BPIFB3: variants seen among roughly 807,000 people sequenced by gnomAD.
BPIFB3 encodes the protein BPI fold-containing family B member 3.
BPIFB3 carries 49 observed loss-of-function variants against 53.1 expected under a neutral mutation model. The ratio of observed to expected loss-of-function variants is 0.92; its 90% CI spans 0.73 to 1.17. The LOEUF (loss-of-function observed/expected upper bound fraction) is 1.17. Ranked by LOEUF, BPIFB3 falls within the 50% of genes most tolerant of loss-of-function variation. BPIFB3 has a pLI of 0.00. For synonymous variants in BPIFB3, 271 were observed against 269.6 expected (o/e 1.01, Z -0.05); for missense variants, 628 against 592.5 (o/e 1.06, Z -0.62).
In BPIFB3 at chr20:33,063,657, C is replaced by A; in HGVS notation, c.634C>A (p.Leu212Ile). 1 of 1,614,040 alleles carries A rather than the reference C, an allele frequency of 6.2e-7. No individual in the cohort carries two copies. Among genetic ancestry groups the A allele is most frequent in the Non-Finnish European group, 8.5e-7 (1 of 1,179,944 alleles). Reference sequence around the variant, plus strand: ...CAGTGTGCTGGGTGTGGTGAATGAGCTCCTGGGGGCTGTGCTGGGTAAGTC... The same window carrying A: ...CAGTGTGCTGGGTGTGGTGAATGAGATCCTGGGGGCTGTGCTGGGTAAGTC... Residue 212 changes from leucine (L) to isoleucine (I), a missense_variant, in exon 6 of 15, where the codon CTC (leucine) becomes ATC (isoleucine). Leu to Ile is a conservative substitution (Grantham distance 5). Coordinates refer to ENST00000375494, the Ensembl canonical transcript of BPIFB3.
intron 5 of BPIFB3, among the ~76,000 whole-genome samples, chr20:33,063,039 A>G (rs1303277969): frequency 2.0e-5 from 3 of 152,226 alleles, no homozygotes; most frequent in African/African-American, 4.8e-5. Context: ...CCAGTGGGCT[A>G]TGGGACTCAG....
chr20:33,069,657 C>T (rs530399555), intron 10 of BPIFB3, among the ~76,000 whole-genome samples: 1 of 152,350 alleles, frequency 6.6e-6, no homozygotes, highest in East Asian at 1.9e-4. Flanking sequence ...CCTGCAGCCC[C>T]AGAGCTTCCT....
intron 11 of BPIFB3, among the ~76,000 whole-genome samples, chr20:33,070,411 G>A (rs1439959794): frequency 1.3e-5 from 2 of 151,574 alleles, no homozygotes; most frequent in African/African-American, 2.4e-5. Flanking sequence ...CAGAATGATG[G>A]TGTTGGTGAC....
At chr20:33,054,208 C>T (rs1485409786), upstream of BPIFB3, among the ~76,000 whole-genome samples, 2 of 151,890 alleles carry the variant, frequency 1.3e-5, no homozygotes, top group Admixed American at 1.3e-4. Context: ...TAGGATGATC[C>T]TATGGAGAGA....
chr20:33,061,817 G>C, exon 5 of BPIFB3: 2 of 1,614,184 alleles, frequency 1.2e-6, no homozygotes, highest in Non-Finnish European at 8.5e-7. Flanking sequence ...GCTCTTCAAG[G>C]TGCTTCCGGG....
At chr20:33,068,717 C>A in intron 9 of BPIFB3, 86 bp from the exon 11 acceptor site, 1 of 1,401,602 alleles carries the variant, frequency 7.1e-7, no homozygotes, top group Non-Finnish European at 9.8e-7. Context: ...TTGCCCAGTG[C>A]CTGGTAGGTG....
At chr20:33,055,135 G>A (rs556663812), upstream of BPIFB3, among the ~76,000 whole-genome samples, 7 of 152,210 alleles carry the variant, frequency 4.6e-5, no homozygotes, top group Non-Finnish European at 8.8e-5. Flanking sequence ...TGTGGCCTTG[G>A]TCTAGTCCCC....
chr20:33,069,937 T>G (rs769256970), exon 11 of BPIFB3: 1 of 1,614,144 alleles, frequency 6.2e-7, no homozygotes, highest in East Asian at 2.2e-5. Context: ...AAGCTGCACA[T>G]CTCCCTGTCC....
intron 9 of BPIFB3, 38 bp downstream of exon 10, chr20:33,066,915 CT>C (rs1395863580): frequency 1.3e-6 from 2 of 1,598,666 alleles, no homozygotes; most frequent in African/African-American, 2.7e-5. Flanking sequence ...CATTGTAGCT[CT>C]TTCCTGATGA....
Position 33,066,849 on chromosome 20 carries a change from C to A in BPIFB3, c.950C>A (p.Thr317Asn), listed in dbSNP as rs202121541. 2 of 1,614,210 alleles carry A rather than the reference C, an allele frequency of 1.2e-6. No individual in the cohort carries two copies. Among genetic ancestry groups the A allele is most frequent in the Non-Finnish European group, 1.7e-6 (2 of 1,180,032 alleles). The change falls in exon 9 of 15, where the codon ACT becomes AAT. Residue 317 changes from threonine (T) to asparagine (N), a missense_variant. Physicochemically the swap from Thr to Asn is moderately conservative, Grantham distance 65. Transcript: ENST00000375494. Reference sequence around the variant, plus strand: ...GTTCCCAGCGATGTCCCACTGACAACTACAGACCTGGCAGCTTTGCTCCCT... The same window carrying A: ...GTTCCCAGCGATGTCCCACTGACAAATACAGACCTGGCAGCTTTGCTCCCT...
In BPIFB3 at chr20:33,056,541, G is replaced by A; in HGVS notation, c.125-1G>A. ...CCTTCCTACTTCCACTCTCTCTGCA[G>A]CCATCCAGAACTCACTGGTTGGGGA... On this transcript the variant is annotated splice_acceptor_variant, in intron 1 of 14. Transcript: ENST00000375494. LOFTEE classifies it high-confidence loss of function. 3 of 1,613,850 alleles carry A rather than the reference G, an allele frequency of 1.9e-6. No individual in the cohort carries two copies. Among genetic ancestry groups the A allele is most frequent in the Non-Finnish European group, 2.5e-6 (3 of 1,180,000 alleles).
chr20:33,067,452 C>T (rs1051337461), intron 9 of BPIFB3, among the ~76,000 whole-genome samples: 2 of 152,188 alleles, frequency 1.3e-5, no homozygotes, highest in Non-Finnish European at 2.9e-5. Context: ...GGAAAGAGGC[C>T]TAGGGGCCTG....
Position 33,066,555 on chromosome 20 carries a change from GT to G in BPIFB3, c.925-267del, listed in dbSNP as rs749890198. Among the ~76,000 whole-genome samples the G allele has an allele frequency of 2.6e-5, 4 of 152,172 alleles. No homozygotes were observed. In the East Asian group the frequency reaches 7.7e-4, roughly 29 times the overall value. ...GGCAACAGCCTCAGTGTCTCCATCT[GT>G]TAAATGAGGGCAATGGTAGCACCCA... On this transcript the variant is annotated intron_variant, in intron 8 of 14. Transcript: ENST00000375494.
intron 9 of BPIFB3, among the ~76,000 whole-genome samples, chr20:33,067,569 T>C (rs1980718746): frequency 6.6e-6 from 1 of 152,052 alleles, no homozygotes; most frequent in Non-Finnish European, 1.5e-5. Context: ...ATGAATGAGG[T>C]CGGGGCCTCA....
In BPIFB3 at chr20:33,072,092, G is replaced by T. The variant is rs373866369; in HGVS notation, c.1261-12G>T. ...GAGCACCACCCCCACCACCCTGTGT[G>T]TTCTGTTGCAGGGATCGCGTTTAGA... On this transcript the variant is annotated splice_polypyrimidine_tract_variant and intron_variant, in intron 12 of 14. Transcript: ENST00000375494. 3.8e-5 allele frequency: 62 copies of T among 1,613,904 alleles called. No homozygotes were observed. The African/African-American group carries it at 8.0e-4, about 21-fold the overall frequency.
At chr20:33,058,544 G>A (rs1012940831) in intron 2 of BPIFB3, among the ~76,000 whole-genome samples, 8 of 152,016 alleles carry the variant, frequency 5.3e-5, no homozygotes, top group Non-Finnish European at 1.0e-4. Context: ...AAATAGAGCC[G>A]GGCAGAGAGT....
exon 10 of BPIFB3, chr20:33,068,851 G>T: frequency 6.2e-7 from 1 of 1,613,972 alleles, no homozygotes; most frequent in African/African-American, 1.3e-5. Flanking sequence ...GTTCCTGCGG[G>T]TGAGGGAAGC....
intron 1 of BPIFB3, 152 bp from the exon 3 acceptor site, chr20:33,056,390 G>A (rs1980205212): frequency 9.5e-7 from 1 of 1,048,840 alleles, no homozygotes; most frequent in Non-Finnish European, 1.4e-6. Context: ...GGCTGTTATG[G>A]CTTAGTGGGT....
At chr20:33,064,615 G>T (rs1431985076) in intron 7 of BPIFB3, 51 bp from the exon 9 acceptor site, 12 of 1,613,136 alleles carry the variant, frequency 7.4e-6, no homozygotes, top group Non-Finnish European at 9.3e-6. Flanking sequence ...GATCAAGGCA[G>T]GTGGGTGAGC....
Sources: allele counts gnomAD v4.1 joint callset (sites outside exome capture counted in the v4.1 genomes callset), GRCh38; gene constraint gnomAD v4.1.1; transcripts MANE v1.5; gene names NCBI Gene and HGNC (gene_info 2026-07-23, HGNC 2026-07-21).